Variants in NFASC observed in about 807,000 individuals in gnomAD.
NFASC encodes neurofascin.
A neutral mutation model predicts 147.5 loss-of-function variants in NFASC; 43 were observed. That is an observed-to-expected ratio of 0.29 (90% CI 0.23 to 0.38). The LOEUF (loss-of-function observed/expected upper bound fraction) is 0.38, where lower values mean the gene tolerates loss of function less well. Ranked by LOEUF, NFASC falls within the 10% of genes least tolerant of loss-of-function variation. The pLI, the probability that NFASC is intolerant of heterozygous loss-of-function variation, is 1.00. For synonymous variants in NFASC, 622 were observed against 665.5 expected, an observed-to-expected ratio of 0.93 and a Z score of 1.01; for missense variants, 1,320 against 1,689.0, an observed-to-expected ratio of 0.78 and a Z score of 3.83.
intron 2 of NFASC, among the ~76,000 whole-genome samples, chr1:204,924,601 AG>A (rs2091156920): frequency 6.6e-6 from 1 of 152,184 alleles, no homozygotes; most frequent in Non-Finnish European, 1.5e-5. Context: ...AGGGGAGCCC[AG>A]AGGGGATTTG....
At chr1:204,873,161 CTTGCA>C (rs201996414) in intron 1 of NFASC, among the ~76,000 whole-genome samples, 59,211 of 152,084 alleles carry the variant, frequency 0.39, 18,921 homozygotes, top group African/African-American at 0.84. Context: ...TTCCAGGCAC[CTTGCA>C]TTTGAAAGGC....
At chr1:204,911,817 A>G (rs1341510521) in intron 1 of NFASC, among the ~76,000 whole-genome samples, 4 of 152,178 alleles carry the variant, frequency 2.6e-5, no homozygotes, top group African/African-American at 9.7e-5. Context: ...TTATAAAGCA[A>G]TTCAGATTAT....
chr1:204,839,368 AACACACACACACACACACAC>A (rs55784616), intron 1 of NFASC, among the ~76,000 whole-genome samples: 18,012 of 135,182 alleles, frequency 0.13, 1,587 homozygotes, highest in East Asian at 0.45. Flanking sequence ...GCACGTATGA[AACACACACACACACACACAC>A]ACACACACAC....
chr1:204,952,683 A>G (rs932514848), intron 5 of NFASC, among the ~76,000 whole-genome samples: 3 of 152,260 alleles, frequency 2.0e-5, no homozygotes, highest in Admixed American at 1.3e-4. Context: ...TGAAAGGGGC[A>G]GAACCCAGAT....
Position 204,944,211 on chromosome 1 carries a change from T to C in NFASC, c.-90-15T>C, listed in dbSNP as rs773124050. 10 of 1,547,612 alleles carry C rather than the reference T, an allele frequency of 6.5e-6. No individual in the cohort carries two copies. Among genetic ancestry groups the C allele is most frequent in the East Asian group, 2.4e-5 (1 of 41,196 alleles). ...TTCATGAAAAACTCACTTGCTCTTA[T>C]GTTTCTTTCCACAGCTGAGTGCTGT... On this transcript the variant is annotated splice_polypyrimidine_tract_variant and intron_variant, in intron 2 of 29. Coordinates refer to ENST00000339876, the MANE Select transcript of NFASC (RefSeq NM_001005388.3).
chr1:205,009,865 TA>T (rs2096218392), intron 28 of NFASC, 177 bp downstream of exon 28: 1 of 708,672 alleles, frequency 1.4e-6, no homozygotes, highest in Admixed American at 2.6e-5. Flanking sequence ...GCACTTGAGT[TA>T]ATTAAGTTCG....
At chr1:204,926,972 G>C (rs1351009237) in intron 2 of NFASC, among the ~76,000 whole-genome samples, 1 of 152,100 alleles carries the variant, frequency 6.6e-6, no homozygotes, top group African/African-American at 2.4e-5. Flanking sequence ...CTACTCGGGA[G>C]ACTGAGGCAG....
At chr1:204,831,706 G>A (rs920832690) in intron 1 of NFASC, among the ~76,000 whole-genome samples, 1 of 151,990 alleles carries the variant, frequency 6.6e-6, no homozygotes, top group African/African-American at 2.4e-5. Context: ...TTTGCCTGGG[G>A]TGATGTTTGG....
chr1:204,913,761 T>C lies in NFASC; in HGVS notation c.-199-6871T>C, dbSNP rs117990335. Among the ~76,000 whole-genome samples the C allele has an allele frequency of 3.1e-3, 474 of 151,932 alleles. 9 individuals carry two copies. The highest frequency in any genetic ancestry group is 0.012 in the East Asian group (63 of 5,166). ...AGGTATGCACCTGTGGGCCCAGTGCTTGTGGTCCCAGCTACTTGGGAGGTT... is the reference window on the plus strand; with the variant it reads ...AGGTATGCACCTGTGGGCCCAGTGCCTGTGGTCCCAGCTACTTGGGAGGTT... On this transcript the variant is annotated intron_variant, in intron 1 of 29. Transcript: ENST00000339876.
intron 7 of NFASC, among the ~76,000 whole-genome samples, chr1:204,955,246 T>C (rs765189779): frequency 4.6e-5 from 7 of 152,182 alleles, no homozygotes; most frequent in Non-Finnish European, 8.8e-5. Context: ...ACTTATCTAA[T>C]AGGATTATTA....
rs1412161735 is a variant in NFASC at position 204,968,951 on chromosome 1, C to T, written c.972C>T (p.Ser324=). Reference sequence around the variant, plus strand: ...GCCTGGCCTCCAACAAGATGGGCAGCATCCGGCACACGATCTCGGTGAGAG... The same window carrying T: ...GCCTGGCCTCCAACAAGATGGGCAGTATCCGGCACACGATCTCGGTGAGAG... ...YFCLASNKMG[S]IRHTISVRVK... The change falls in exon 10 of 30, where the codon AGC becomes AGT. Residue 324 remains serine (S), a synonymous_variant. Coordinates refer to ENST00000339876, the MANE Select transcript of NFASC (RefSeq NM_001005388.3). This position sits in a 1 kb window ranked among gnomAD's most constrained non-coding sequence, Gnocchi z 5.4. 4.3e-6 allele frequency: 7 copies of T among 1,613,570 alleles called. No individual in the cohort carries two copies. Among genetic ancestry groups the T allele is most frequent in the East Asian group, 2.2e-5 (1 of 44,860 alleles).
At chr1:204,920,608 C>G in intron 1 of NFASC, 24 bp from the exon 2 acceptor site, 1 of 1,184,006 alleles carries the variant, frequency 8.4e-7, no homozygotes, top group Non-Finnish European at 1.1e-6. Flanking sequence ...CCCTGGGGTT[C>G]TCCTTTGTGC....
chr1:204,942,336 A>C (rs2093414409), intron 2 of NFASC, among the ~76,000 whole-genome samples: 1 of 152,194 alleles, frequency 6.6e-6, no homozygotes, highest in East Asian at 1.9e-4. Flanking sequence ...AAGACCAAGC[A>C]TGATGTACCG....
At chr1:204,981,717 G>A (rs2095513069) in intron 20 of NFASC, 81 bp from the exon 21 acceptor site, 2 of 889,732 alleles carry the variant, frequency 2.2e-6, no homozygotes, top group Non-Finnish European at 1.7e-6. Flanking sequence ...GGGATGCCTG[G>A]CACAGCAAGA....
chr1:204,940,138 G>A (rs533139052), intron 2 of NFASC, among the ~76,000 whole-genome samples: 53 of 152,112 alleles, frequency 3.5e-4, no homozygotes, highest in Non-Finnish European at 5.4e-4. Flanking sequence ...TTGTTGAGGT[G>A]AAACATAAAC....
In NFASC at chr1:205,001,298, T is replaced by C. The variant is rs1237123193; in HGVS notation, c.3136+12T>C. On this transcript the variant is annotated intron_variant, in intron 26 of 29. Coordinates refer to ENST00000339876, the MANE Select transcript of NFASC (RefSeq NM_001005388.3). Reference sequence around the variant, plus strand: ...TGAGTACATCGACAGTAAGCATTGCTGTGCGGGGTGGTGGTGGCGGCAGCG... The same window carrying C: ...TGAGTACATCGACAGTAAGCATTGCCGTGCGGGGTGGTGGTGGCGGCAGCG... The C allele has an allele frequency of 1.9e-6, 3 of 1,570,766 alleles. No individual in the cohort carries two copies. The highest frequency in any genetic ancestry group is 1.7e-5 in the Admixed American group (1 of 58,732).
intron 1 of NFASC, among the ~76,000 whole-genome samples, chr1:204,836,376 T>C (rs1673803672): frequency 6.6e-6 from 1 of 152,208 alleles, no homozygotes; most frequent in African/African-American, 2.4e-5. Context: ...GAGGAGGTAT[T>C]ATAGCTATCT....
In NFASC at chr1:205,022,510, A is replaced by G. The variant is rs2096407467; in HGVS notation, c.*5971A>G. The G allele has an allele frequency of 6.6e-6, 1 of 151,824 alleles. No individual in the cohort carries two copies. Among genetic ancestry groups the G allele is most frequent in the Non-Finnish European group, 1.5e-5 (1 of 67,934 alleles). The allele number at this position is 151,824 out of a possible 1,614,324, so 9.4% of individuals were successfully genotyped here. Reference sequence around the variant, plus strand: ...CACAAATTGGTCTGATCTTTTTTCCATTGGTTAAACATTTAACTCCATGCC... The same window carrying G: ...CACAAATTGGTCTGATCTTTTTTCCGTTGGTTAAACATTTAACTCCATGCC... On this transcript the variant is annotated 3_prime_UTR_variant, in exon 30 of 30. Coordinates refer to ENST00000339876, the MANE Select transcript of NFASC (RefSeq NM_001005388.3).
At chr1:205,000,168 A>G (rs947270499) in intron 25 of NFASC, 2 of 152,206 alleles carry the variant, frequency 1.3e-5, no homozygotes, top group Admixed American at 6.5e-5. Context: ...TGAGACGCCA[A>G]CAGAACAGGA....
Sources: allele counts gnomAD v4.1 joint callset (sites outside exome capture counted in the v4.1 genomes callset), GRCh38; gene constraint gnomAD v4.1.1; non-coding constraint Gnocchi (gnomAD v3.1); transcripts MANE v1.5; gene names NCBI Gene and HGNC (gene_info 2026-07-23, HGNC 2026-07-21).